The following CYFIP2 variants were observed in gnomAD, a reference collection of about 807,000 sequenced individuals.
CYFIP2 encodes the protein cytoplasmic FMR1-interacting protein 2.
In CYFIP2, 29 loss-of-function variants were observed where a neutral mutation model predicts 158.7. The observed-to-expected ratio is 0.18, with a 90% CI of 0.14 to 0.25. CYFIP2 has a LOEUF of 0.25. CYFIP2 is among the 10% of genes least tolerant of loss of function. The probability of loss-of-function intolerance (pLI) is 1.00; values close to 1 mark genes in which losing one functional copy is unlikely to be tolerated. For missense variants in CYFIP2, 852 were observed against 1,639.5 expected (o/e 0.52, Z 8.29); for synonymous variants, 585 against 617.6 (o/e 0.95, Z 0.78).
At chr5:157,385,610 T>A (rs1366357581) in intron 28 of CYFIP2, among the ~76,000 whole-genome samples, 2 of 152,108 alleles carry the variant, frequency 1.3e-5, no homozygotes, top group Admixed American at 6.6e-5. Flanking sequence ...AAGACAGGGA[T>A]CCTTGTCCCT....
chr5:157,273,445 C>T (rs1397833859), intron 1 of CYFIP2, among the ~76,000 whole-genome samples: 1 of 152,122 alleles, frequency 6.6e-6, no homozygotes, highest in African/African-American at 2.4e-5. Flanking sequence ...GTCTTTACTC[C>T]AGGGTGGGGC....
chr5:157,370,444 TTCAA>T (rs1764890877), intron 26 of CYFIP2, among the ~76,000 whole-genome samples: 1 of 152,212 alleles, frequency 6.6e-6, no homozygotes, highest in Admixed American at 6.5e-5. Context: ...GAATAATACA[TTCAA>T]TCAATCAAAA....
At chr5:157,385,421 T>TAAAAC (rs1271197827) in intron 28 of CYFIP2, among the ~76,000 whole-genome samples, 1 of 152,214 alleles carries the variant, frequency 6.6e-6, no homozygotes, top group Non-Finnish European at 1.5e-5. Flanking sequence ...TGAGAAGGTT[T>TAAAAC]GGGCACAGGG....
intron 23 of CYFIP2, among the ~76,000 whole-genome samples, chr5:157,346,519 G>A (rs898285597): frequency 6.6e-6 from 1 of 152,156 alleles, no homozygotes; most frequent in African/African-American, 2.4e-5. Context: ...GAAGGATGCT[G>A]CCATCAGCCA....
At chr5:157,282,286 C>T (rs1757047522) in intron 1 of CYFIP2, among the ~76,000 whole-genome samples, 1 of 152,140 alleles carries the variant, frequency 6.6e-6, no homozygotes, top group Non-Finnish European at 1.5e-5. Flanking sequence ...GAAGCAGGAG[C>T]AAGAGAGTGG....
chr5:157,327,680 ACAGT>A (rs751781629), intron 18 of CYFIP2, among the ~76,000 whole-genome samples: 12 of 152,288 alleles, frequency 7.9e-5, no homozygotes, highest in Admixed American at 7.2e-4. Flanking sequence ...ATGGGTTCTG[ACAGT>A]CTGTCTGTTG....
In CYFIP2 at chr5:157,280,363, AT is replaced by A. The variant is rs57893061; in HGVS notation, c.-23-4960del. On this transcript the variant is annotated intron_variant, in intron 1 of 30. Coordinates refer to ENST00000620254, the MANE Select transcript of CYFIP2 (RefSeq NM_001037333.3). ...AGGCACCCACCACCACGCCTGGCTA[AT>A]TTTTTTTTTTTTTTTGTATTTTTAG... Among the ~76,000 whole-genome samples the A allele has an allele frequency of 6.1e-3, 813 of 133,104 alleles. 2 individuals carry two copies. Among genetic ancestry groups the A allele is most frequent in the Middle Eastern group, 0.011 (3 of 262 alleles). The allele number at this position is 133,104 out of a possible 152,430, so 87.3% of individuals were successfully genotyped here. A position where few individuals can be genotyped will look rare whatever the true frequency, so the allele number is the denominator to read the frequency against.
Position 157,320,776 on chromosome 5 carries a change from C to T in CYFIP2, c.1645C>T (p.Arg549Cys). The T allele has an allele frequency of 1.2e-6, 2 of 1,604,596 alleles. No individual in the cohort carries two copies. Among genetic ancestry groups the T allele is most frequent in the Non-Finnish European group, 1.7e-6 (2 of 1,175,408 alleles). Residue 549 changes from arginine (R) to cysteine (C), a missense_variant, in exon 15 of 31, where the codon CGT (arginine) becomes TGT (cysteine). Arg to Cys is a radical substitution (Grantham distance 180). Coordinates refer to ENST00000620254, the MANE Select transcript of CYFIP2 (RefSeq NM_001037333.3). ...TGGATTTGATATCAAGGTGCCCCGG[C>T]GTGCTGTGGGGCCATCCAGCACACA... ...KGGFDIKVPRRAVGPSSTQLY... is the reference protein window; with the variant it reads ...KGGFDIKVPRCAVGPSSTQLY...
chr5:157,379,946 T>C (rs972302475), intron 26 of CYFIP2: 10 of 152,182 alleles, frequency 6.6e-5, no homozygotes, highest in Admixed American at 6.5e-4. Flanking sequence ...AATCAGATAA[T>C]TTAAATAATT....
At chr5:157,305,614 G>C (rs541792509) in intron 8 of CYFIP2, among the ~76,000 whole-genome samples, 1 of 152,158 alleles carries the variant, frequency 6.6e-6, no homozygotes, top group East Asian at 1.9e-4. Context: ...AGGCTCAAGC[G>C]ATCCTCCCAC....
chr5:157,288,715 A>C, intron 3 of CYFIP2: 1 of 442,236 alleles, frequency 2.3e-6, no homozygotes, highest in South Asian at 1.6e-5. Context: ...GCCCAAAAAA[A>C]TTGCATAACT....
At position 157,294,768 on chromosome 5, in the gene CYFIP2, G is replaced by A. The variant is rs1758114884; in HGVS notation, c.208-15G>A. On this transcript the variant is annotated splice_polypyrimidine_tract_variant and intron_variant, in intron 3 of 30. Coordinates refer to ENST00000620254, the MANE Select transcript of CYFIP2 (RefSeq NM_001037333.3). Reference sequence around the variant, plus strand: ...CGTCTTGTTCCTCCCTGCTGAGGCTGTTTTACCATTTCAGAATGAGATGCT... The same window carrying A: ...CGTCTTGTTCCTCCCTGCTGAGGCTATTTTACCATTTCAGAATGAGATGCT... The A allele has an allele frequency of 1.9e-6, 3 of 1,613,068 alleles. No individual in the cohort carries two copies. The highest frequency in any genetic ancestry group is 2.5e-6 in the Non-Finnish European group (3 of 1,179,248).
At position 157,311,291 on chromosome 5, in the gene CYFIP2, G is replaced by C. The variant is rs1759698261; in HGVS notation, c.993-373G>C. On this transcript the variant is annotated intron_variant, in intron 10 of 30. Coordinates refer to ENST00000620254, the MANE Select transcript of CYFIP2 (RefSeq NM_001037333.3). This position sits in a 1 kb window ranked among gnomAD's most constrained non-coding sequence, Gnocchi z 4.7. ...GCAGAGTGTCTGTGCTGTCAGAGTG[G>C]GTAGGCTGGTTTTGGAGGTTGCCCA... 2.7e-6 allele frequency: 1 copy of C among 368,690 alleles called. No homozygotes were observed. Among genetic ancestry groups the C allele is most frequent in the Non-Finnish European group, 5.3e-6 (1 of 189,158 alleles). 22.8% of individuals were successfully genotyped at this position (368,690 alleles called of 1,614,324 possible). A position where few individuals can be genotyped will look rare whatever the true frequency, so the allele number is the denominator to read the frequency against.
chr5:157,341,367 T>C (rs1032473181), intron 23 of CYFIP2, among the ~76,000 whole-genome samples: 4 of 151,562 alleles, frequency 2.6e-5, no homozygotes, highest in African/African-American at 9.7e-5. Context: ...CTGGACAACA[T>C]AGCGAGACCC....
chr5:157,365,900 C>G lies in CYFIP2; in HGVS notation c.3039+4302C>G, dbSNP rs145824360. Among the ~76,000 whole-genome samples the G allele has an allele frequency of 3.0e-3, 455 of 151,544 alleles. 4 individuals carry two copies. The highest frequency in any genetic ancestry group is 0.011 in the African/African-American group (444 of 41,238). ...GCATGAACAGACTAACTGAATCATC[C>G]GTTTTACTGTGGGTGGACATTTGGG... is the stretch of plus-strand genomic sequence containing the variant. On this transcript the variant is annotated intron_variant, in intron 26 of 30. Transcript: ENST00000620254.
chr5:157,377,426 C>G (rs573393116), intron 26 of CYFIP2, among the ~76,000 whole-genome samples: 4 of 152,112 alleles, frequency 2.6e-5, no homozygotes, highest in Non-Finnish European at 4.4e-5. Context: ...TTCAACTTAG[C>G]GTCCTTCTTC....
intron 21 of CYFIP2, among the ~76,000 whole-genome samples, chr5:157,338,749 C>T (rs1762036076): frequency 6.6e-6 from 1 of 152,204 alleles, no homozygotes; most frequent in Non-Finnish European, 1.5e-5. Flanking sequence ...TAAGCTTGTT[C>T]TCTACCCAAA....
intron 23 of CYFIP2, chr5:157,343,091 G>A (rs1762407017): frequency 1.9e-6 from 3 of 1,614,200 alleles, no homozygotes; most frequent in Non-Finnish European, 2.5e-6. Context: ...CATGTGGCCA[G>A]CCCTGTAAGA....
At chr5:157,310,228 C>G (rs548372579) in intron 10 of CYFIP2, among the ~76,000 whole-genome samples, 2 of 152,258 alleles carry the variant, frequency 1.3e-5, no homozygotes, top group Non-Finnish European at 2.9e-5. Flanking sequence ...ATCGTGCAGT[C>G]GACGTGAATT....
Sources: gnomAD v4.1 joint callset for allele counts (sites outside exome capture counted in the v4.1 genomes callset) on GRCh38, gnomAD v4.1.1 for gene constraint, Gnocchi (gnomAD v3.1) non-coding constraint, MANE v1.5 for transcripts, NCBI Gene and HGNC (gene_info 2026-07-23, HGNC 2026-07-21) for gene names.